CPLANE1: variants seen among roughly 807,000 people sequenced by gnomAD.
CPLANE1 encodes the protein ciliogenesis and planar polarity effector 1.
Under a neutral mutation model 362.5 loss-of-function variants are expected in CPLANE1, and 263 were observed. The observed-to-expected ratio is 0.73, with a 90% CI of 0.66 to 0.80. The LOEUF is 0.80. CPLANE1 is among the 30% of genes least tolerant of loss of function. The pLI is 0.00. For missense variants in CPLANE1, 3,461 were observed against 3,793.4 expected, an observed-to-expected ratio of 0.91 and a Z score of 2.30; for synonymous variants, 1,212 against 1,302.6, an observed-to-expected ratio of 0.93 and a Z score of 1.50.
chr5:37,135,122 C>T (rs1184437273), intron 46 of CPLANE1, among the ~76,000 whole-genome samples: 1 of 152,150 alleles, frequency 6.6e-6, no homozygotes, highest in East Asian at 1.9e-4. Flanking sequence ...GGTGCTTTTG[C>T]TGCATCCCAG....
At chr5:37,247,819 CAA>C (rs894921674) in intron 1 of CPLANE1, 74 bp from the exon 2 acceptor site, 1 of 1,053,518 alleles carries the variant, frequency 9.5e-7, no homozygotes, top group East Asian at 2.8e-5. Context: ...TTTTTTGAGA[CAA>C]GAGTTTCGTT....
At chr5:37,218,342 C>T (rs985135358) in intron 15 of CPLANE1, among the ~76,000 whole-genome samples, 1 of 152,176 alleles carries the variant, frequency 6.6e-6, no homozygotes, top group African/African-American at 2.4e-5. Context: ...TTCTAATGAA[C>T]TTCCCTGGTA....
chr5:37,179,792 G>A (rs1460932278), intron 28 of CPLANE1, among the ~76,000 whole-genome samples: 2 of 152,058 alleles, frequency 1.3e-5, no homozygotes, highest in African/African-American at 2.4e-5. Context: ...AATGGTAAAA[G>A]AGCACCAACA....
intron 19 of CPLANE1, among the ~76,000 whole-genome samples, chr5:37,200,029 T>A (rs201068603): frequency 1.3e-5 from 2 of 152,210 alleles, no homozygotes; most frequent in African/African-American, 4.8e-5. Flanking sequence ...TTAGTGGCCA[T>A]TCTGCTCCCA....
intron 38 of CPLANE1, among the ~76,000 whole-genome samples, chr5:37,158,863 A>AT (rs1348873379): frequency 6.8e-6 from 1 of 147,146 alleles, no homozygotes; most frequent in African/African-American, 2.5e-5. Flanking sequence ...ATCTAAGCTC[A>AT]TTGCAACCTC....
the CPLANE1 span, among the ~76,000 whole-genome samples, chr5:37,091,307 A>C: frequency 6.6e-6 from 1 of 152,226 alleles, no homozygotes; most frequent in Non-Finnish European, 1.5e-5. Context: ...CACTTGGTAT[A>C]TCATTAAACA....
rs1406626816 is a variant in CPLANE1 at position 37,176,000 on chromosome 5, T to C, written c.5901-14A>G. 1 of 1,568,190 alleles carries C rather than the reference T, an allele frequency of 6.4e-7. No homozygotes were observed. The highest frequency in any genetic ancestry group is 2.2e-5 in the East Asian group (1 of 44,618). On this transcript the variant is annotated splice_polypyrimidine_tract_variant and intron_variant, in intron 30 of 52. Coordinates refer to ENST00000651892, the MANE Select transcript of CPLANE1 (RefSeq NM_001384732.1). ...GCTTCGATCATACTATCAATAAAAA[T>C]TAACAGGTGATTAGTAAGCAAGATA...
At chr5:37,087,577 C>T in the CPLANE1 span, among the ~76,000 whole-genome samples, 1 of 152,236 alleles carries the variant, frequency 6.6e-6, no homozygotes, top group Non-Finnish European at 1.5e-5. Context: ...CTGCCTCAGC[C>T]TCCCGCGTAG....
At chr5:37,215,484 AGGCTATTAAT>A (rs1471643270) in intron 15 of CPLANE1, among the ~76,000 whole-genome samples, 1 of 152,182 alleles carries the variant, frequency 6.6e-6, no homozygotes, top group Non-Finnish European at 1.5e-5. Flanking sequence ...AGTCAACAGT[AGGCTATTAAT>A]GGTTAAGTTT....
chr5:37,121,862 G>A (rs2150089457), intron 48 of CPLANE1, 78 bp from the exon 49 acceptor site: 1 of 1,185,562 alleles, frequency 8.4e-7, no homozygotes, highest in Non-Finnish European at 1.2e-6. Flanking sequence ...AGTGTTTGAA[G>A]ATCACCTAGC....
chr5:37,183,187 G>A lies in CPLANE1; in HGVS notation c.4994C>T (p.Ser1665Leu), dbSNP rs745368500. The A allele has an allele frequency of 3.7e-6, 6 of 1,610,882 alleles. No individual in the cohort carries two copies. The highest frequency in any genetic ancestry group is 2.2e-5 in the South Asian group (2 of 90,646). ...TCCTTCATTCTTATTGACTTCATTC[G>A]AAGGATATTGTAAAAAAGGTTTGAT... ...QGIKPFLQYPSNEVNKNEGMS... is the reference protein window; with the variant it reads ...QGIKPFLQYPLNEVNKNEGMS... Residue 1665 changes from serine to leucine, a missense_variant, in exon 26 of 53, where the codon TCG (serine) becomes TTG (leucine). Around this residue, in one of 2 missense-constraint regions of CPLANE1, gnomAD observed 3,380 missense variants for 3,666.1 expected, o/e 0.92. Coordinates refer to ENST00000651892, the MANE Select transcript of CPLANE1 (RefSeq NM_001384732.1).
In CPLANE1 at chr5:37,208,364, A is replaced by G. The variant is rs184773074; in HGVS notation, c.2921-1939T>C. Among the ~76,000 whole-genome samples, 15 of 152,086 alleles carry G rather than the reference A, an allele frequency of 9.9e-5. 1 individual carries two copies. The East Asian group carries it at 2.5e-3, about 26-fold the overall frequency. On this transcript the variant is annotated intron_variant, in intron 16 of 52. Coordinates refer to ENST00000651892, the MANE Select transcript of CPLANE1 (RefSeq NM_001384732.1). ...AATGCCCTGTGCCTTGATGTATCCA[A>G]CTCTTTTTTGTTATTAAGAGTTCGG... is the stretch of plus-strand genomic sequence containing the variant.
intron 38 of CPLANE1, among the ~76,000 whole-genome samples, chr5:37,161,914 A>T (rs1474546650): frequency 9.2e-5 from 14 of 152,228 alleles, no homozygotes; most frequent in Admixed American, 9.2e-4. Context: ...TACATGGGTA[A>T]AAGAAATTGT....
chr5:37,138,309 T>C (rs1247802481), intron 46 of CPLANE1, among the ~76,000 whole-genome samples: 3 of 152,254 alleles, frequency 2.0e-5, no homozygotes, highest in Non-Finnish European at 2.9e-5. Flanking sequence ...TGTCCTTTTT[T>C]ACTGCTGCTG....
chr5:37,164,587 CT>C (rs1171898427), intron 36 of CPLANE1, among the ~76,000 whole-genome samples: 1 of 152,188 alleles, frequency 6.6e-6, no homozygotes, highest in Non-Finnish European at 1.5e-5. Context: ...CAACTCTCTT[CT>C]ACAGAGTAGC....
intron 6 of CPLANE1, among the ~76,000 whole-genome samples, chr5:37,242,535 T>C (rs183300798): frequency 6.6e-6 from 1 of 152,268 alleles, no homozygotes; most frequent in African/African-American, 2.4e-5. Flanking sequence ...AGTAAAACCA[T>C]AGCTTGTCTT....
chr5:37,159,628 C>T (rs941536868), intron 38 of CPLANE1, among the ~76,000 whole-genome samples: 6 of 152,176 alleles, frequency 3.9e-5, no homozygotes, highest in African/African-American at 1.2e-4. Flanking sequence ...TCTTCTAGCA[C>T]TGTATTTTCA....
chr5:37,145,107 C>A (rs1771127568), intron 43 of CPLANE1, among the ~76,000 whole-genome samples: 1 of 152,062 alleles, frequency 6.6e-6, no homozygotes, highest in Non-Finnish European at 1.5e-5. Flanking sequence ...AGACTGAGAC[C>A]ATCCTGGCCA....
At chr5:37,132,351 T>G (rs1221044311) in intron 46 of CPLANE1, among the ~76,000 whole-genome samples, 1 of 141,222 alleles carries the variant, frequency 7.1e-6, no homozygotes, top group South Asian at 2.3e-4. Flanking sequence ...TTTTTTTTTT[T>G]TTTTTTTTTT....
Sources: gnomAD v4.1 joint callset for allele counts (sites outside exome capture counted in the v4.1 genomes callset) on GRCh38, gnomAD v4.1.1 for gene constraint, gnomAD v4.1.1 regional missense constraint, MANE v1.5 for transcripts, NCBI Gene and HGNC (gene_info 2026-07-23, HGNC 2026-07-21) for gene names.